The following ILDR2 variants were observed in gnomAD, a reference collection of about 807,000 sequenced individuals.
The protein encoded by ILDR2 is immunoglobulin like domain containing receptor 2.
Under a neutral mutation model 66.8 loss-of-function variants are expected in ILDR2, and 25 were observed. The observed-to-expected ratio is 0.37, with a 90% CI of 0.27 to 0.52. The LOEUF is 0.52. Among genes scored for constraint, ILDR2 ranks in the 20% least tolerant of loss-of-function variants. The probability of loss-of-function intolerance (pLI) is 0.88; values close to 1 mark genes in which losing one functional copy is unlikely to be tolerated. For missense variants in ILDR2, 827 were observed against 876.8 expected (o/e 0.94, Z 0.72); for synonymous variants, 367 against 357.2 (o/e 1.03, Z -0.31).
intron 2 of ILDR2, among the ~76,000 whole-genome samples, chr1:166,899,465 G>A (rs1234390354): frequency 1.3e-5 from 2 of 152,156 alleles, no homozygotes; most frequent in East Asian, 1.9e-4. Flanking sequence ...TACAGTCTGG[G>A]GGAATTTGAA....
At chr1:166,898,600 T>A in intron 2 of ILDR2, among the ~76,000 whole-genome samples, 1 of 152,194 alleles carries the variant, frequency 6.6e-6, no homozygotes, top group East Asian at 1.9e-4. Context: ...TTCCACCTCT[T>A]CTGGATAAGG....
rs200050863 is a variant in ILDR2, at chr1:166,957,938, C to T, written c.210G>A (p.Leu70=). 1 of 1,614,116 alleles carries T rather than the reference C, an allele frequency of 6.2e-7. No individual in the cohort carries two copies. Among genetic ancestry groups the T allele is most frequent in the East Asian group, 2.2e-5 (1 of 44,872 alleles). ...ATTGGGCCCGGGTAGAGGACATGCC[C>T]AAGGATTCTCCCATGCGATCCTGGC... ...SYCQDRMGES[L]GMSSTRAQSL... is the part of the protein sequence containing the mutation. Residue 70 remains leucine (L), a synonymous_variant, in exon 2 of 10, where the codon TTG becomes TTA. Coordinates refer to ENST00000271417, the MANE Select transcript of ILDR2 (RefSeq NM_199351.3).
In ILDR2 at chr1:166,975,110, C is replaced by A. The variant is rs907996431; in HGVS notation, c.46+113G>T. ...CCCCACTTTCCACCAGACCGCTAAG[C>A]AGCTTTAAACATGGTCAGTAAGGAG... On this transcript the variant is annotated intron_variant, in intron 1 of 9. Coordinates refer to ENST00000271417, the MANE Select transcript of ILDR2 (RefSeq NM_199351.3). 1.5e-5 allele frequency: 13 copies of A among 858,122 alleles called. No individual in the cohort carries two copies. In the African/African-American group the frequency reaches 1.8e-4, roughly 12 times the overall value. 53.2% of individuals were successfully genotyped at this position (858,122 alleles called of 1,614,324 possible). A position where few individuals can be genotyped will look rare whatever the true frequency, so the allele number is the denominator to read the frequency against.
At chr1:166,906,656 CTA>C (rs1420779513), downstream of ILDR2, among the ~76,000 whole-genome samples, 1 of 152,206 alleles carries the variant, frequency 6.6e-6, no homozygotes, top group African/African-American at 2.4e-5. Context: ...GTGAAAAAGA[CTA>C]TGGAGAGCCA....
intron 1 of ILDR2, among the ~76,000 whole-genome samples, chr1:166,964,786 C>T (rs550289213): frequency 6.6e-6 from 1 of 152,244 alleles, no homozygotes; most frequent in Admixed American, 6.5e-5. Flanking sequence ...GGTCCTGCCC[C>T]AATTCTCATG....
chr1:166,962,185 G>A (rs547214230), intron 1 of ILDR2, among the ~76,000 whole-genome samples: 6 of 152,210 alleles, frequency 3.9e-5, no homozygotes, highest in South Asian at 2.1e-4. Flanking sequence ...CAAGTTTATC[G>A]GGACCCCCAT....
At chr1:166,974,809 T>C (rs1264216135) in intron 1 of ILDR2, among the ~76,000 whole-genome samples, 2 of 152,224 alleles carry the variant, frequency 1.3e-5, no homozygotes, top group African/African-American at 4.8e-5. Context: ...AACCAGTTCA[T>C]TTAATTAATC....
At chr1:166,938,317 C>T (rs1025882133) in intron 4 of ILDR2, among the ~76,000 whole-genome samples, 2 of 152,146 alleles carry the variant, frequency 1.3e-5, no homozygotes, top group East Asian at 3.9e-4. Context: ...ATGTGAGAAA[C>T]AAAAGAATAT....
chr1:166,935,552 G>A, intron 5 of ILDR2, 75 bp from the exon 6 acceptor site: 9 of 1,355,342 alleles, frequency 6.6e-6, no homozygotes, highest in Non-Finnish European at 8.9e-6. Context: ...AAATCCCTGA[G>A]GATGCACTTC....
chr1:166,971,224 A>G (rs1663271804), intron 1 of ILDR2, among the ~76,000 whole-genome samples: 1 of 152,232 alleles, frequency 6.6e-6, no homozygotes, highest in Admixed American at 6.5e-5. Flanking sequence ...AGCAAGGACT[A>G]TGACTTATTC....
downstream of ILDR2, among the ~76,000 whole-genome samples, chr1:166,905,716 T>C (rs1659334464): frequency 6.6e-6 from 1 of 152,216 alleles, no homozygotes; most frequent in African/African-American, 2.4e-5. Flanking sequence ...TTTGGACTGG[T>C]TGCCTCCTTC....
chr1:166,956,960 TTTTC>T (rs1662317664), intron 2 of ILDR2, 108 bp from the exon 3 acceptor site: 30 of 1,125,244 alleles, frequency 2.7e-5, no homozygotes, highest in Non-Finnish European at 3.7e-5. Context: ...ATCTGCAGTA[TTTTC>T]TTTCTTTATC....
intron 3 of ILDR2, among the ~76,000 whole-genome samples, chr1:166,956,242 T>C (rs1445878838): frequency 1.3e-5 from 2 of 152,242 alleles, no homozygotes; most frequent in Non-Finnish European, 2.9e-5. Context: ...TTATTGGGCA[T>C]CTTTTATTAC....
At chr1:166,963,669 G>A (rs1662757291) in intron 1 of ILDR2, among the ~76,000 whole-genome samples, 1 of 152,078 alleles carries the variant, frequency 6.6e-6, no homozygotes, top group African/African-American at 2.4e-5. Flanking sequence ...GGACAAAATT[G>A]AAATACCCCA....
intron 1 of ILDR2, among the ~76,000 whole-genome samples, chr1:166,967,431 G>A (rs1381378305): frequency 6.6e-6 from 1 of 152,142 alleles, no homozygotes; most frequent in East Asian, 1.9e-4. Context: ...AGGGGGAAGG[G>A]AGGGAGGGGA....
chr1:166,921,437 G>A lies in ILDR2; in HGVS notation c.1212-58C>T. Reference sequence around the variant, plus strand: ...GGTCCCTCCCTGGAGCTCCAGGTAGGGCTCCCAAGAGCACCCATCGTGTCC... The same window carrying A: ...GGTCCCTCCCTGGAGCTCCAGGTAGAGCTCCCAAGAGCACCCATCGTGTCC... On this transcript the variant is annotated intron_variant, in intron 8 of 9. Coordinates refer to ENST00000271417, the MANE Select transcript of ILDR2 (RefSeq NM_199351.3). This position sits in a 1 kb window ranked among gnomAD's most constrained non-coding sequence, Gnocchi z 5.3. The A allele has an allele frequency of 2.1e-6, 3 of 1,421,622 alleles. No individual in the cohort carries two copies. The highest frequency in any genetic ancestry group is 4.4e-4 in the Middle Eastern group (2 of 4,548). The allele number at this position is 1,421,622 out of a possible 1,614,324, so 88.1% of individuals were successfully genotyped here. A position where few individuals can be genotyped will look rare whatever the true frequency, so the allele number is the denominator to read the frequency against.
At chr1:166,943,491 C>CAAAAAA (rs11366097) in intron 3 of ILDR2, among the ~76,000 whole-genome samples, 12 of 74,480 alleles carry the variant, frequency 1.6e-4, no homozygotes, top group Non-Finnish European at 2.3e-4. Flanking sequence ...GACTCCGTCT[C>CAAAAAA]AAAAAAAAAA....
chr1:166,949,867 G>T lies in ILDR2; in HGVS notation c.499+6866C>A, dbSNP rs147156804. 2.4e-3 allele frequency among the ~76,000 whole-genome samples: 364 copies of T among 152,264 alleles called. 1 individual carries two copies. The highest frequency in any genetic ancestry group is 8.4e-3 in the African/African-American group (348 of 41,540). On this transcript the variant is annotated intron_variant, in intron 3 of 9. Coordinates refer to ENST00000271417, the MANE Select transcript of ILDR2 (RefSeq NM_199351.3). ...GAGCAGGCCAAAGCTAGGAGAGAGT[G>T]CTGGGAGAAAAGGCAGTGGGGCTGA...
chr1:166,944,930 C>T lies in ILDR2; in HGVS notation c.500-5360G>A, dbSNP rs367944039. Among the ~76,000 whole-genome samples the T allele has an allele frequency of 6.6e-5, 10 of 152,248 alleles. No individual in the cohort carries two copies. The East Asian group carries it at 9.7e-4, about 15-fold the overall frequency. ...CCTCCAGAGCAGGGACTATGCTCTA[C>T]GCTTGGCATCTCCAGAAGCCCAGCG... On this transcript the variant is annotated intron_variant, in intron 3 of 9. Coordinates refer to ENST00000271417, the MANE Select transcript of ILDR2 (RefSeq NM_199351.3).
Sources: gnomAD v4.1 joint callset for allele counts (sites outside exome capture counted in the v4.1 genomes callset) on GRCh38, gnomAD v4.1.1 for gene constraint, Gnocchi (gnomAD v3.1) non-coding constraint, MANE v1.5 for transcripts, NCBI Gene and HGNC (gene_info 2026-07-23, HGNC 2026-07-21) for gene names.